E2F3: variants seen among roughly 807,000 people sequenced by gnomAD.
The protein encoded by E2F3 is E2F transcription factor 3, also known as transcription factor E2F3.
Under a neutral mutation model 44.4 loss-of-function variants are expected in E2F3, and 11 were observed. The observed-to-expected ratio is 0.25, with a 90% confidence interval of 0.16 to 0.41. The LOEUF (loss-of-function observed/expected upper bound fraction) is 0.41. Ranked by LOEUF, E2F3 falls within the 10% of genes least tolerant of loss-of-function variation. E2F3 has a pLI of 1.00. For synonymous variants in E2F3, 249 were observed against 253.0 expected, an observed-to-expected ratio of 0.98 and a Z score of 0.15; for missense variants, 487 against 583.6, an observed-to-expected ratio of 0.83 and a Z score of 1.70.
chr6:20,439,039 T>C (rs1294083948), intron 1 of E2F3, among the ~76,000 whole-genome samples: 1 of 152,202 alleles, frequency 6.6e-6, no homozygotes, highest in Non-Finnish European at 1.5e-5. Context: ...TTGTTGACTT[T>C]GGGGAAGACA....
At chr6:20,411,607 G>A (rs1192390613) in intron 1 of E2F3, among the ~76,000 whole-genome samples, 8 of 152,112 alleles carry the variant, frequency 5.3e-5, no homozygotes, top group East Asian at 1.9e-4. Flanking sequence ...CTCTGCACTC[G>A]GCTGCTGCGA....
intron 1 of E2F3, among the ~76,000 whole-genome samples, chr6:20,427,348 C>T (rs1760249275): frequency 6.6e-6 from 1 of 152,150 alleles, no homozygotes; most frequent in Non-Finnish European, 1.5e-5. Flanking sequence ...TGGCCCTTTC[C>T]TCTTAGAAGT....
At chr6:20,434,365 T>C (rs1760505370) in intron 1 of E2F3, among the ~76,000 whole-genome samples, 1 of 152,210 alleles carries the variant, frequency 6.6e-6, no homozygotes, top group Admixed American at 6.5e-5. Flanking sequence ...GTTTGCTATC[T>C]GTATAACTAG....
Position 20,489,059 on chromosome 6 carries a change from C to A in E2F3, c.1135+811C>A, listed in dbSNP as rs189696525. Among the ~76,000 whole-genome samples, 74 of 152,234 alleles carry A rather than the reference C, an allele frequency of 4.9e-4. No homozygotes were observed. In the East Asian group the frequency reaches 9.8e-3, roughly 20 times the overall value. On this transcript the variant is annotated intron_variant, in intron 6 of 6. Transcript: ENST00000346618. Reference sequence around the variant, plus strand: ...CGCTCTGCAAAGAGCAAAGGAAGCTCTTTGCAGTATATATTTTTCCATTTC... The same window carrying A: ...CGCTCTGCAAAGAGCAAAGGAAGCTATTTGCAGTATATATTTTTCCATTTC...
At chr6:20,453,272 C>T (rs995574569) in intron 1 of E2F3, among the ~76,000 whole-genome samples, 4 of 152,090 alleles carry the variant, frequency 2.6e-5, no homozygotes, top group African/African-American at 9.7e-5. Flanking sequence ...TCCACCAACC[C>T]CTTCCACACA....
intron 1 of E2F3, among the ~76,000 whole-genome samples, chr6:20,469,404 G>A (rs752320895): frequency 6.6e-6 from 1 of 152,182 alleles, no homozygotes; most frequent in Admixed American, 6.5e-5. Context: ...AAATAGTAAA[G>A]GTGGTTCCCC....
chr6:20,444,247 T>C (rs1370555934), intron 1 of E2F3, among the ~76,000 whole-genome samples: 2 of 152,218 alleles, frequency 1.3e-5, no homozygotes, highest in African/African-American at 2.4e-5. Context: ...GGTTTTTATA[T>C]GTTAGTGTCC....
At chr6:20,474,448 G>A (rs1240433902) in intron 1 of E2F3, among the ~76,000 whole-genome samples, 2 of 152,176 alleles carry the variant, frequency 1.3e-5, no homozygotes, top group Admixed American at 6.5e-5. Flanking sequence ...CCACTGCTTG[G>A]AACCAAATGG....
chr6:20,445,038 T>A, intron 1 of E2F3: 1 of 983,606 alleles, frequency 1.0e-6, no homozygotes, highest in Non-Finnish European at 1.2e-6. Context: ...TGGCCATGGT[T>A]TAAGCATTTG....
At chr6:20,448,184 C>A (rs986532543) in intron 1 of E2F3, among the ~76,000 whole-genome samples, 1 of 152,140 alleles carries the variant, frequency 6.6e-6, no homozygotes, top group Non-Finnish European at 1.5e-5. Flanking sequence ...GTAGTGGGCT[C>A]TTTTTGGTTT....
intron 1 of E2F3, among the ~76,000 whole-genome samples, chr6:20,466,627 GA>G (rs1761718965): frequency 6.6e-6 from 1 of 151,082 alleles, no homozygotes; most frequent in South Asian, 2.1e-4. Flanking sequence ...ACCATACTGG[GA>G]AAAGTCCCAT....
intron 1 of E2F3, among the ~76,000 whole-genome samples, chr6:20,434,903 G>C (rs1471272495): frequency 1.3e-5 from 2 of 152,216 alleles, no homozygotes; most frequent in African/African-American, 2.4e-5. Context: ...CAGATGGAGA[G>C]GGGTGGGGAG....
In E2F3 at chr6:20,490,628, G is replaced by T. The variant is rs182906095; in HGVS notation, c.*198G>T. 740 of 491,126 alleles carry T rather than the reference G, an allele frequency of 1.5e-3. 9 individuals carry two copies. Among genetic ancestry groups the T allele is most frequent in the African/African-American group, 0.013 (673 of 50,144 alleles). 30.4% of individuals were successfully genotyped at this position (491,126 alleles called of 1,614,324 possible). A position where few individuals can be genotyped will look rare whatever the true frequency, so the allele number is the denominator to read the frequency against. The stretch of plus-strand genomic sequence containing the variant: ...AAACAAATTGTCTAAACGCACAGTT[G>T]CAGGCTCCCTTGGGAAAGCCCTGCT... On this transcript the variant is annotated 3_prime_UTR_variant, in exon 7 of 7. Coordinates refer to ENST00000346618, the MANE Select transcript of E2F3 (RefSeq NM_001949.5). The surrounding 1 kb of genome is among the most constrained non-coding windows in gnomAD (Gnocchi z 4.3).
In E2F3 at chr6:20,403,750, C is replaced by T; in HGVS notation, c.393+1125C>T. 9 of 1,479,774 alleles carry T rather than the reference C, an allele frequency of 6.1e-6. No homozygotes were observed. In the South Asian group the frequency reaches 1.1e-4, roughly 18 times the overall value. 91.7% of individuals were successfully genotyped at this position (1,479,774 alleles called of 1,614,324 possible). ...CCTCGCCCTGCGCCGCCGGTCTGTT[C>T]GGCCCTCCGGGCCCCCTCTCCAGCC... On this transcript the variant is annotated intron_variant, in intron 1 of 6. Transcript: ENST00000346618.
At chr6:20,411,643 A>G (rs1468038427) in intron 1 of E2F3, among the ~76,000 whole-genome samples, 3 of 151,974 alleles carry the variant, frequency 2.0e-5, no homozygotes, top group Non-Finnish European at 2.9e-5. Flanking sequence ...GGCACCGCAG[A>G]TTTCCCTCTG....
intron 1 of E2F3, among the ~76,000 whole-genome samples, chr6:20,435,123 A>G (rs1760531944): frequency 6.6e-6 from 1 of 152,122 alleles, no homozygotes; most frequent in Non-Finnish European, 1.5e-5. Flanking sequence ...CAGCTCTTTG[A>G]AGTAGTTTAG....
At chr6:20,467,088 T>G in intron 1 of E2F3, among the ~76,000 whole-genome samples, 1 of 152,176 alleles carries the variant, frequency 6.6e-6, no homozygotes, top group East Asian at 1.9e-4. Context: ...TCTTGTTAAT[T>G]AACCTAATGT....
chr6:20,474,571 G>A (rs1006228273), intron 1 of E2F3, among the ~76,000 whole-genome samples: 3 of 152,146 alleles, frequency 2.0e-5, no homozygotes, highest in Admixed American at 6.5e-5. Flanking sequence ...CGATGCTCAC[G>A]CTGTGAACTA....
At chr6:20,474,741 A>G (rs565161323) in intron 1 of E2F3, among the ~76,000 whole-genome samples, 26 of 152,348 alleles carry the variant, frequency 1.7e-4, no homozygotes, top group African/African-American at 5.8e-4. Context: ...GTTAAGCATT[A>G]AAATAATGCT....
Sources: allele counts gnomAD v4.1 joint callset (sites outside exome capture counted in the v4.1 genomes callset), GRCh38; gene constraint gnomAD v4.1.1; non-coding constraint Gnocchi (gnomAD v3.1); transcripts MANE v1.5; gene names NCBI Gene and HGNC (gene_info 2026-07-23, HGNC 2026-07-21).